The following BRIP1 variants were observed in gnomAD, a reference collection of about 807,000 sequenced individuals.
BRIP1 encodes the protein BRCA1 interacting DNA helicase 1, also known as Fanconi anemia group J protein.
In BRIP1, 88 loss-of-function variants were observed where a neutral mutation model predicts 119.7. That is an observed-to-expected ratio of 0.74 (90% CI 0.62 to 0.88). BRIP1 has a LOEUF of 0.88. BRIP1 is among the 40% of genes least tolerant of loss of function. BRIP1 has a pLI of 0.00. For synonymous variants in BRIP1, 443 were observed against 496.5 expected (o/e 0.89, Z 1.43); for missense variants, 1,259 against 1,455.4 (o/e 0.87, Z 2.20).
chr17:61,801,788 G>A, intron 7 of BRIP1, among the ~76,000 whole-genome samples: 1 of 151,930 alleles, frequency 6.6e-6, no homozygotes, highest in Non-Finnish European at 1.5e-5. Context: ...CTGATGTTAG[G>A]CATGAAATAC....
rs1443003458 is a variant in BRIP1, at chr17:61,852,814, A to C, written c.380-3558T>G. ...TACCACACATACACAAGAATGACTA[A>C]CTTTTTTTTTAAACTATAAATATCA... On this transcript the variant is annotated intron_variant, in intron 4 of 19. Coordinates refer to ENST00000259008, the MANE Select transcript of BRIP1 (RefSeq NM_032043.3). The surrounding 1 kb of genome is among the most constrained non-coding windows in gnomAD (Gnocchi z 4.9). 1.3e-5 allele frequency among the ~76,000 whole-genome samples: 2 copies of C among 152,184 alleles called. No individual in the cohort carries two copies. The highest frequency in any genetic ancestry group is 6.5e-5 in the Admixed American group (1 of 15,280).
chr17:61,863,075 C>A (rs2145876356), intron 1 of BRIP1, among the ~76,000 whole-genome samples: 1 of 152,208 alleles, frequency 6.6e-6, no homozygotes, highest in South Asian at 2.1e-4. Context: ...CTGCCTCCCG[C>A]CAAGAATTAA....
Position 61,832,408 on chromosome 17 carries a change from C to A in BRIP1, c.627+14693G>T, listed in dbSNP as rs1447159259. 6.6e-6 allele frequency among the ~76,000 whole-genome samples: 1 copy of A among 152,006 alleles called. No individual in the cohort carries two copies. Among genetic ancestry groups the A allele is most frequent in the Non-Finnish European group, 1.5e-5 (1 of 67,986 alleles). ...TTTCAGAGTTCTTCCCCATAAAGTCCTCTTTTATAAAGGCAAAAAGATAAC... is the reference window on the plus strand; with the variant it reads ...TTTCAGAGTTCTTCCCCATAAAGTCATCTTTTATAAAGGCAAAAAGATAAC... On this transcript the variant is annotated intron_variant, in intron 6 of 19. Transcript: ENST00000259008. This position sits in a 1 kb window ranked among gnomAD's most constrained non-coding sequence, Gnocchi z 5.5.
chr17:61,799,169 C>T lies in BRIP1; in HGVS notation c.1271G>A (p.Ser424Asn), dbSNP rs1354610577. ...QLRFARDELD[S>N]MVNNNIRKKD... ...CTTCCTTATATTATTGTTGACCATA[C>T]TATCTAGTTCATCCCGAGCAAACCG... Residue 424 changes from serine to asparagine, a missense_variant, in exon 9 of 20, where the codon AGT (serine) becomes AAT (asparagine). Physicochemically the swap from Ser to Asn is conservative, Grantham distance 46. Transcript: ENST00000259008. This position sits in a 1 kb window ranked among gnomAD's most constrained non-coding sequence, Gnocchi z 5.1. 5 of 1,613,708 alleles carry T rather than the reference C, an allele frequency of 3.1e-6. No individual in the cohort carries two copies. The highest frequency in any genetic ancestry group is 2.5e-6 in the Non-Finnish European group (3 of 1,179,702).
chr17:61,859,838 C>T lies in BRIP1; in HGVS notation c.163G>A (p.Ala55Thr), dbSNP rs757909937. 7 of 1,613,886 alleles carry T rather than the reference C, an allele frequency of 4.3e-6. No homozygotes were observed. The highest frequency in any genetic ancestry group is 5.9e-6 in the Non-Finnish European group (7 of 1,179,932). The change falls in exon 3 of 20, where the codon GCC (alanine) becomes ACC (threonine). Residue 55 changes from alanine to threonine, a missense_variant. By Grantham distance (58) the Ala-to-Thr change is moderately conservative. Transcript: ENST00000259008. ...CATGCTAAAGCAGAACAAAGTAAGG[C>T]TAAGCTTTTTCCACTTCCTGTGGGA... ...ESPTGSGKSL[A>T]LLCSALAWQQ...
Position 61,686,256 on chromosome 17 carries a change from G to A in BRIP1, c.2576-91C>T. 8.4e-7 allele frequency: 1 copy of A among 1,183,738 alleles called. No homozygotes were observed. Among genetic ancestry groups the A allele is most frequent in the Non-Finnish European group, 1.2e-6 (1 of 800,416 alleles). The allele number at this position is 1,183,738 out of a possible 1,614,324, so 73.3% of individuals were successfully genotyped here. A position where few individuals can be genotyped will look rare whatever the true frequency, so the allele number is the denominator to read the frequency against. On this transcript the variant is annotated intron_variant, in intron 18 of 19. Transcript: ENST00000259008. This position sits in a 1 kb window ranked among gnomAD's most constrained non-coding sequence, Gnocchi z 5.4. ...TAATACACTTGCTTTTTCTAGTGAA[G>A]TAACCTAATTTGTATTTTGAATATA...
chr17:61,784,480 A>G (rs2145144189), intron 10 of BRIP1, 56 bp from the exon 11 acceptor site: 1 of 1,479,422 alleles, frequency 6.8e-7, no homozygotes, highest in Non-Finnish European at 9.3e-7. Flanking sequence ...TGGAAAAAGA[A>G]ACTTCTCAAA....
At chr17:61,783,945 T>G (rs944233019) in intron 11 of BRIP1, 9 of 199,032 alleles carry the variant, frequency 4.5e-5, no homozygotes, top group Non-Finnish European at 7.1e-5. Context: ...TAGCTGGGTG[T>G]GGGTGTTGCA....
intron 14 of BRIP1, among the ~76,000 whole-genome samples, chr17:61,764,269 A>T (rs1165314327): frequency 2.6e-5 from 4 of 152,230 alleles, no homozygotes; most frequent in Non-Finnish European, 5.9e-5. Flanking sequence ...GAAAAGAGAA[A>T]GACAAGACAT....
chr17:61,779,002 T>C (rs2077575037), intron 13 of BRIP1, among the ~76,000 whole-genome samples: 1 of 152,194 alleles, frequency 6.6e-6, no homozygotes, highest in Admixed American at 6.5e-5. Context: ...CCTGTGTGCC[T>C]AACCACTTTA....
rs2145298268 is a variant in BRIP1, at chr17:61,799,079, C to G, written c.1340+21G>C. On this transcript the variant is annotated intron_variant, in intron 9 of 19. Transcript: ENST00000259008. The surrounding 1 kb of genome is among the most constrained non-coding windows in gnomAD (Gnocchi z 5.1). ...TTCATATAAAGGCAGCACAAATACA[C>G]TAATAGACAAATCTTCTTACTTAAT... The G allele has an allele frequency of 6.3e-7, 1 of 1,598,560 alleles. No homozygotes were observed. Among genetic ancestry groups the G allele is most frequent in the Non-Finnish European group, 8.6e-7 (1 of 1,166,140 alleles).
At position 61,699,388 on chromosome 17, in the gene BRIP1, AAT is replaced by A. The variant is rs761314468; in HGVS notation, c.2493-5878_2493-5877del. On this transcript the variant is annotated intron_variant, in intron 17 of 19. Transcript: ENST00000259008. This position sits in a 1 kb window ranked among gnomAD's most constrained non-coding sequence, Gnocchi z 4.8. ...CTTTCCATTACTTTCCATTTTCTCCAATAGACACTTTCCAGTATATAATTTTA... is the reference window on the plus strand; with the variant it reads ...CTTTCCATTACTTTCCATTTTCTCCAAGACACTTTCCAGTATATAATTTTA... Among the ~76,000 whole-genome samples the A allele has an allele frequency of 9.9e-5, 15 of 152,156 alleles. No individual in the cohort carries two copies. The highest frequency in any genetic ancestry group is 2.1e-4 in the Non-Finnish European group (14 of 68,030).
rs1017028459 is a variant in BRIP1, at chr17:61,834,219, T to A, written c.627+12882A>T. Among the ~76,000 whole-genome samples the A allele has an allele frequency of 2.6e-5, 4 of 152,122 alleles. No homozygotes were observed. The highest frequency in any genetic ancestry group is 2.6e-4 in the Admixed American group (4 of 15,276). ...GAAAAATAAAAGCTATATACTATAA[T>A]CCTAATTTTGTGTGTGGGGAGGGAG... On this transcript the variant is annotated intron_variant, in intron 6 of 19. Transcript: ENST00000259008. This position sits in a 1 kb window ranked among gnomAD's most constrained non-coding sequence, Gnocchi z 4.4.
rs2077788416 is a variant in BRIP1, at chr17:61,789,830, G to C, written c.1473+3767C>G. On this transcript the variant is annotated intron_variant, in intron 10 of 19. Transcript: ENST00000259008. This position sits in a 1 kb window ranked among gnomAD's most constrained non-coding sequence, Gnocchi z 4.8. The stretch of plus-strand genomic sequence containing the variant: ...TAAGCAAATATGGGCATAGAAGAAG[G>C]CATAAGTAGACATAAATCACAATGT... Among the ~76,000 whole-genome samples the C allele has an allele frequency of 1.3e-5, 2 of 152,086 alleles. No individual in the cohort carries two copies. Among genetic ancestry groups the C allele is most frequent in the African/African-American group, 4.8e-5 (2 of 41,404 alleles).
chr17:61,829,449 C>A (rs1007566507), intron 6 of BRIP1, among the ~76,000 whole-genome samples: 10 of 151,626 alleles, frequency 6.6e-5, no homozygotes, highest in African/African-American at 1.9e-4. Context: ...AAAGAAAAGG[C>A]AAATCCACAA....
rs371185409 is a variant in BRIP1, at chr17:61,683,967, C to T, written c.3079G>A (p.Glu1027Lys). The change falls in exon 20 of 20, where the codon GAG (glutamate) becomes AAG (lysine). Residue 1027 changes from glutamate to lysine, a missense_variant. Around this residue, in one of 3 missense-constraint regions of BRIP1, gnomAD observed 753 missense variants for 891.8 expected, o/e 0.84. Coordinates refer to ENST00000259008, the MANE Select transcript of BRIP1 (RefSeq NM_032043.3). This position sits in a 1 kb window ranked among gnomAD's most constrained non-coding sequence, Gnocchi z 4.7. ...CGGGGAGGACTAGAGGCACTATTCT[C>T]TGATGACCCGAGCTCAGGTGTTGCC... The part of the protein sequence containing the change: ...PKATPELGSS[E>K]NSASSPPRFK... 1.4e-5 allele frequency: 22 copies of T among 1,614,190 alleles called. No homozygotes were observed. The African/African-American group carries it at 1.9e-4, about 14-fold the overall frequency.
At chr17:61,732,452 T>C (rs954198596) in intron 16 of BRIP1, among the ~76,000 whole-genome samples, 1 of 152,184 alleles carries the variant, frequency 6.6e-6, no homozygotes, top group Admixed American at 6.5e-5. Flanking sequence ...TAAATTGGTA[T>C]CTGCAAGGGA....
intron 8 of BRIP1, among the ~76,000 whole-genome samples, chr17:61,800,798 A>G (rs758757122): frequency 1.2e-4 from 19 of 152,196 alleles, no homozygotes; most frequent in Admixed American, 2.0e-4. Context: ...ACAATTGACT[A>G]TGCCAAATTA....
At chr17:61,826,008 C>T (rs576506663) in intron 6 of BRIP1, among the ~76,000 whole-genome samples, 18 of 152,106 alleles carry the variant, frequency 1.2e-4, no homozygotes, top group Non-Finnish European at 2.6e-4. Context: ...AACTATACTA[C>T]GTGGCTACAG....
Sources: allele counts gnomAD v4.1 joint callset (sites outside exome capture counted in the v4.1 genomes callset), GRCh38; gene constraint gnomAD v4.1.1; regional missense constraint gnomAD v4.1.1; non-coding constraint Gnocchi (gnomAD v3.1); transcripts MANE v1.5; gene names NCBI Gene and HGNC (gene_info 2026-07-23, HGNC 2026-07-21).